Variants in ATRN observed in about 807,000 individuals in gnomAD.
ATRN encodes attractin.
ATRN carries 54 observed loss-of-function variants against 178.7 expected under a neutral mutation model. That is an observed-to-expected ratio of 0.30 (90% CI 0.24 to 0.38). The LOEUF is 0.38. ATRN is among the 10% of genes least tolerant of loss of function. The probability of loss-of-function intolerance (pLI) is 1.00; values close to 1 mark genes in which losing one functional copy is unlikely to be tolerated. For synonymous variants in ATRN, 636 were observed against 663.0 expected (o/e 0.96, Z 0.63); for missense variants, 1,443 against 1,815.1 (o/e 0.79, Z 3.73).
intron 1 of ATRN, among the ~76,000 whole-genome samples, chr20:3,517,947 C>T (rs1021913396): frequency 3.3e-5 from 5 of 152,148 alleles, no homozygotes; most frequent in Admixed American, 2.6e-4. Context: ...CACATAGAAT[C>T]GTGACCTTTA....
At chr20:3,490,972 G>T in intron 1 of ATRN, 1 of 1,538,352 alleles carries the variant, frequency 6.5e-7, no homozygotes, top group Non-Finnish European at 9.0e-7. Flanking sequence ...TTCTCCTCAT[G>T]ATAGCGCCGC....
rs980147210 is a variant in ATRN, at chr20:3,650,343, T to G, written c.*3496T>G. ...GTATTTGCTAAACACTAACTTAAGCTAATGCTAGGGTAGTGACTGAGATGT... is the reference window on the plus strand; with the variant it reads ...GTATTTGCTAAACACTAACTTAAGCGAATGCTAGGGTAGTGACTGAGATGT... On this transcript the variant is annotated 3_prime_UTR_variant, in exon 29 of 29. Coordinates refer to ENST00000262919, the MANE Select transcript of ATRN (RefSeq NM_139321.3). 1 of 152,672 alleles carries G rather than the reference T, an allele frequency of 6.5e-6. No homozygotes were observed. The allele number at this position is 152,672 out of a possible 1,614,324, so 9.5% of individuals were successfully genotyped here. A position where few individuals can be genotyped will look rare whatever the true frequency, so the allele number is the denominator to read the frequency against.
intron 16 of ATRN, 51 bp downstream of exon 16, chr20:3,582,405 C>A: frequency 6.6e-7 from 1 of 1,515,074 alleles, no homozygotes; most frequent in Non-Finnish European, 9.2e-7. Flanking sequence ...GTGAGAGAAA[C>A]CATAGGAGGC....
At chr20:3,618,955 A>G (rs985929239) in intron 24 of ATRN, among the ~76,000 whole-genome samples, 17 of 152,230 alleles carry the variant, frequency 1.1e-4, no homozygotes, top group African/African-American at 4.1e-4. Context: ...GGCTCACGGA[A>G]TCTTCCATCC....
intron 1 of ATRN, among the ~76,000 whole-genome samples, chr20:3,515,269 C>A (rs372478488): frequency 0.27 from 40,499 of 151,918 alleles, 5,905 homozygotes; most frequent in African/African-American, 0.33. Context: ...TGTTACCATT[C>A]TAGAGATGAA....
Position 3,493,116 on chromosome 20 carries a change from G to A in ATRN, c.410+21599G>A, listed in dbSNP as rs947079054. On this transcript the variant is annotated intron_variant, in intron 1 of 28. Coordinates refer to ENST00000262919, the MANE Select transcript of ATRN (RefSeq NM_139321.3). ...ATAATATATATACATATGTAGGTAC[G>A]TTTGTTTGTGTGTGTGTGTGTGTGT... is the stretch of plus-strand genomic sequence containing the variant. Among the ~76,000 whole-genome samples the A allele has an allele frequency of 3.9e-3, 178 of 45,366 alleles. 1 individual carries two copies. Among genetic ancestry groups the A allele is most frequent in the African/African-American group, 0.012 (172 of 14,504 alleles). 29.8% of individuals were successfully genotyped at this position (45,366 alleles called of 152,430 possible).
At chr20:3,630,453 A>C (rs1371580933) in intron 25 of ATRN, among the ~76,000 whole-genome samples, 1 of 152,102 alleles carries the variant, frequency 6.6e-6, no homozygotes, top group Non-Finnish European at 1.5e-5. Context: ...GTGAGGAGGA[A>C]CCATAGGCAC....
At chr20:3,580,915 T>A (rs6037627) in intron 15 of ATRN, among the ~76,000 whole-genome samples, 8,438 of 152,268 alleles carry the variant, frequency 0.055, 722 homozygotes, top group African/African-American at 0.18. Context: ...TATTTTTAGG[T>A]CTTTTAGTAG....
At chr20:3,594,639 C>T (rs1185808250) in intron 20 of ATRN, 67 bp downstream of exon 20, 3 of 1,313,268 alleles carry the variant, frequency 2.3e-6, no homozygotes, top group African/African-American at 2.9e-5. Flanking sequence ...GAACCCCACC[C>T]TGAGAGCCAC....
At chr20:3,529,430 G>A (rs910007104) in intron 1 of ATRN, among the ~76,000 whole-genome samples, 10 of 152,242 alleles carry the variant, frequency 6.6e-5, no homozygotes, top group African/African-American at 1.2e-4. Context: ...CTATAATTAC[G>A]TAATCCAAGT....
In ATRN at chr20:3,584,167, C is replaced by G. The variant is rs766361736; in HGVS notation, c.2950+84C>G. The G allele has an allele frequency of 7.0e-6, 10 of 1,429,920 alleles. No individual in the cohort carries two copies. In the East Asian group the frequency reaches 2.3e-4, roughly 33 times the overall value. The allele number at this position is 1,429,920 out of a possible 1,614,324, so 88.6% of individuals were successfully genotyped here. A position where few individuals can be genotyped will look rare whatever the true frequency, so the allele number is the denominator to read the frequency against. On this transcript the variant is annotated intron_variant, in intron 17 of 28. Coordinates refer to ENST00000262919, the MANE Select transcript of ATRN (RefSeq NM_139321.3). Reference sequence around the variant, plus strand: ...AGCCATGAGGCTGTGCTGTCAGCCTCTGAACATTTTAGAAACAAGACTGGA... The same window carrying G: ...AGCCATGAGGCTGTGCTGTCAGCCTGTGAACATTTTAGAAACAAGACTGGA...
chr20:3,638,650 A>G lies in ATRN; in HGVS notation c.3943-178A>G, dbSNP rs1047041571. On this transcript the variant is annotated intron_variant, in intron 26 of 28. Transcript: ENST00000262919. This position sits in a 1 kb window ranked among gnomAD's most constrained non-coding sequence, Gnocchi z 4.5. ...TAAAAAATATAAGGACAATGGTGTT[A>G]TCACATCCAACAAAATTTAGTAATC... is the stretch of plus-strand genomic sequence containing the variant. 6.6e-6 allele frequency among the ~76,000 whole-genome samples: 1 copy of G among 152,234 alleles called. No homozygotes were observed. Among genetic ancestry groups the G allele is most frequent in the Admixed American group, 6.5e-5 (1 of 15,280 alleles).
Position 3,646,740 on chromosome 20 carries a change from G to A in ATRN, c.4183G>A (p.Ala1395Thr), listed in dbSNP as rs200957929. 45 of 1,603,704 alleles carry A rather than the reference G, an allele frequency of 2.8e-5. No homozygotes were observed. Among genetic ancestry groups the A allele is most frequent in the East Asian group, 6.7e-5 (3 of 44,578 alleles). ...PGQSGLAVAS[A>T]LVDISQQMPI... Reference sequence around the variant, plus strand: ...CTCCCAAGGTCTTGCTGTGGCCAGCGCCCTGGTGGACATTTCTCAGCAGAT... The same window carrying A: ...CTCCCAAGGTCTTGCTGTGGCCAGCACCCTGGTGGACATTTCTCAGCAGAT... Residue 1395 changes from alanine to threonine, a missense_variant, in exon 29 of 29, where the codon GCC becomes ACC. Around this residue, in one of 4 missense-constraint regions of ATRN, gnomAD observed 289 missense variants for 440.8 expected, o/e 0.66. Transcript: ENST00000262919.
chr20:3,562,971 A>T (rs1026917139), intron 9 of ATRN, among the ~76,000 whole-genome samples: 57 of 152,218 alleles, frequency 3.7e-4, no homozygotes, highest in African/African-American at 1.3e-3. Flanking sequence ...AACTGGAATT[A>T]TATAGCTACG....
chr20:3,607,769 G>T lies in ATRN; in HGVS notation c.3801+3507G>T, dbSNP rs1487250927. On this transcript the variant is annotated intron_variant, in intron 24 of 28. Coordinates refer to ENST00000262919, the MANE Select transcript of ATRN (RefSeq NM_139321.3). ...AGCGGGATTGCTGGATCATGTGGTGGATCTATTATGAGCAGTCTTCATACT... is the reference window on the plus strand; with the variant it reads ...AGCGGGATTGCTGGATCATGTGGTGTATCTATTATGAGCAGTCTTCATACT... Among the ~76,000 whole-genome samples the T allele has an allele frequency of 5.9e-5, 9 of 152,008 alleles. No homozygotes were observed. In the East Asian group the frequency reaches 7.7e-4, roughly 13 times the overall value.
intron 25 of ATRN, among the ~76,000 whole-genome samples, chr20:3,631,199 C>T (rs1025696817): frequency 6.6e-6 from 1 of 152,058 alleles, no homozygotes; most frequent in African/African-American, 2.4e-5. Context: ...GTCCTCCCAT[C>T]TCAGCCTCCC....
chr20:3,487,156 T>C (rs1013825001), intron 1 of ATRN, among the ~76,000 whole-genome samples: 1 of 152,238 alleles, frequency 6.6e-6, no homozygotes, highest in African/African-American at 2.4e-5. Context: ...TTTTATCTTT[T>C]ATTAATAAAA....
intron 1 of ATRN, among the ~76,000 whole-genome samples, chr20:3,477,230 T>C (rs2084544312): frequency 1.1e-5 from 1 of 94,272 alleles, no homozygotes; most frequent in African/African-American, 5.3e-5. Flanking sequence ...CTGATCTGTT[T>C]TCCCCAGTGC....
intron 2 of ATRN, among the ~76,000 whole-genome samples, chr20:3,535,626 C>CACACATAT (rs1491226542): frequency 5.2e-5 from 6 of 115,842 alleles, no homozygotes; most frequent in Non-Finnish European, 1.1e-4. Context: ...CACACACACA[C>CACACATAT]ATATATATTT....
Sources: allele counts gnomAD v4.1 joint callset (sites outside exome capture counted in the v4.1 genomes callset), GRCh38; gene constraint gnomAD v4.1.1; regional missense constraint gnomAD v4.1.1; non-coding constraint Gnocchi (gnomAD v3.1); transcripts MANE v1.5; gene names NCBI Gene and HGNC (gene_info 2026-07-23, HGNC 2026-07-21).